ZMAT3: variants seen among roughly 807,000 people sequenced by gnomAD.
ZMAT3 encodes zinc finger matrin-type 3.
ZMAT3 carries 17 observed loss-of-function variants against 32.3 expected under a neutral mutation model. The observed-to-expected ratio is 0.53, with a 90% CI of 0.36 to 0.79. The LOEUF is 0.79. Among genes scored for constraint, ZMAT3 ranks in the 30% least tolerant of loss-of-function variants. ZMAT3 has a pLI of 0.00. For missense variants in ZMAT3, 329 were observed against 359.7 expected (o/e 0.91, Z 0.69); for synonymous variants, 120 against 133.1 (o/e 0.90, Z 0.68).
chr3:179,039,307 A>G (rs1363572861), intron 2 of ZMAT3, among the ~76,000 whole-genome samples: 1 of 152,208 alleles, frequency 6.6e-6, no homozygotes, highest in African/African-American at 2.4e-5. Flanking sequence ...ACGTCCCAGT[A>G]AGGGCCAACA....
chr3:179,030,230 T>C (rs1719102027), intron 3 of ZMAT3, among the ~76,000 whole-genome samples: 1 of 152,174 alleles, frequency 6.6e-6, no homozygotes, highest in African/African-American at 2.4e-5. Context: ...ACACCTAATT[T>C]TGCAACTGGA....
chr3:179,056,510 C>G (rs143412034), intron 2 of ZMAT3, among the ~76,000 whole-genome samples: 1 of 152,138 alleles, frequency 6.6e-6, no homozygotes, highest in African/African-American at 2.4e-5. Flanking sequence ...ATGCCCCTTA[C>G]GTCAAGGGAA....
chr3:179,028,663 G>C (rs1039566619), intron 3 of ZMAT3, among the ~76,000 whole-genome samples: 1 of 152,232 alleles, frequency 6.6e-6, no homozygotes, highest in Non-Finnish European at 1.5e-5. Flanking sequence ...TCAGAAACCA[G>C]TGACAGGAAA....
intron 2 of ZMAT3, among the ~76,000 whole-genome samples, chr3:179,051,320 C>A (rs560666826): frequency 2.0e-5 from 3 of 152,212 alleles, no homozygotes; most frequent in Admixed American, 1.3e-4. Flanking sequence ...ATATACAAAT[C>A]AGTAGCTCTG....
chr3:179,058,514 T>C (rs1177026444), intron 2 of ZMAT3, among the ~76,000 whole-genome samples: 1 of 152,158 alleles, frequency 6.6e-6, no homozygotes, highest in Admixed American at 6.5e-5. Context: ...CCCAGCACTT[T>C]GGGAGGCCGA....
rs538823596 is a variant in ZMAT3 at position 179,029,551 on chromosome 3, C to T, written c.390+1329G>A. Among the ~76,000 whole-genome samples, 4 of 152,268 alleles carry T rather than the reference C, an allele frequency of 2.6e-5. No individual in the cohort carries two copies. The South Asian group carries it at 8.3e-4, about 32-fold the overall frequency. The stretch of plus-strand genomic sequence containing the variant: ...CAATCTTGGCTCACTGCAACCTCCA[C>T]CTCCCGGGTTCAAGTGATTCTTGTG... On this transcript the variant is annotated intron_variant, in intron 3 of 5. Coordinates refer to ENST00000311417, the MANE Select transcript of ZMAT3 (RefSeq NM_022470.4).
chr3:179,039,394 G>T (rs1719789400), intron 2 of ZMAT3, among the ~76,000 whole-genome samples: 1 of 151,712 alleles, frequency 6.6e-6, no homozygotes, highest in Non-Finnish European at 1.5e-5. Context: ...TTGCTGTTCT[G>T]CAATATTTGC....
intron 2 of ZMAT3, among the ~76,000 whole-genome samples, chr3:179,063,174 G>C (rs1721238095): frequency 6.6e-6 from 1 of 152,124 alleles, no homozygotes; most frequent in African/African-American, 2.4e-5. Context: ...AGTGTGTTTT[G>C]GCCATTCTCA....
rs1718726441 is a variant in ZMAT3, at chr3:179,024,225, A to G, written c.*792T>C. ...AAGTTTAGCTGTTTGGAAGTATACA[A>G]GCTCATTGGGAGTATTTGAATTCAA... On this transcript the variant is annotated 3_prime_UTR_variant, in exon 6 of 6. Coordinates refer to ENST00000311417, the MANE Select transcript of ZMAT3 (RefSeq NM_022470.4). 1 of 152,180 alleles carries G rather than the reference A, an allele frequency of 6.6e-6. No individual in the cohort carries two copies. Among genetic ancestry groups the G allele is most frequent in the African/African-American group, 2.4e-5 (1 of 41,434 alleles). The allele number at this position is 152,180 out of a possible 1,614,324, so 9.4% of individuals were successfully genotyped here.
chr3:179,038,515 T>A (rs931932606), intron 2 of ZMAT3, among the ~76,000 whole-genome samples: 7 of 152,120 alleles, frequency 4.6e-5, no homozygotes, highest in Non-Finnish European at 7.4e-5. Flanking sequence ...AAGGTTGAGG[T>A]TGCAGTGAGC....
rs1718390039 is a variant in ZMAT3 at position 179,018,598 on chromosome 3, G to C, written c.*6419C>G. 1 of 150,770 alleles carries C rather than the reference G, an allele frequency of 6.6e-6. No homozygotes were observed. The highest frequency in any genetic ancestry group is 2.5e-5 in the African/African-American group (1 of 40,526). 9.3% of individuals were successfully genotyped at this position (150,770 alleles called of 1,614,324 possible). ...CAATTCTGATTCAATTCTACCCATT[G>C]AATCTTCATGACCTGGAGAAAGTCA... On this transcript the variant is annotated 3_prime_UTR_variant, in exon 6 of 6. Transcript: ENST00000311417.
At chr3:179,043,813 C>A (rs914819722) in intron 2 of ZMAT3, among the ~76,000 whole-genome samples, 1 of 152,114 alleles carries the variant, frequency 6.6e-6, no homozygotes, top group African/African-American at 2.4e-5. Flanking sequence ...AAAATTTTTG[C>A]GATCTCCCCA....
chr3:179,066,178 C>T (rs1004884072), intron 2 of ZMAT3, among the ~76,000 whole-genome samples: 3 of 152,082 alleles, frequency 2.0e-5, no homozygotes, highest in African/African-American at 7.2e-5. Flanking sequence ...CTGTATCAAA[C>T]AACTGTACTG....
intron 2 of ZMAT3, among the ~76,000 whole-genome samples, chr3:179,044,300 T>C (rs532720244): frequency 2.1e-4 from 32 of 152,268 alleles, no homozygotes; most frequent in African/African-American, 7.7e-4. Flanking sequence ...CTATTCACAA[T>C]AGCAAAGACT....
At chr3:179,034,266 TCTC>T (rs1402996540) in intron 2 of ZMAT3, among the ~76,000 whole-genome samples, 1 of 152,136 alleles carries the variant, frequency 6.6e-6, no homozygotes, top group African/African-American at 2.4e-5. Flanking sequence ...AGATCCATCT[TCTC>T]CTCACTTCAA....
chr3:179,037,347 C>T (rs1719653255), intron 2 of ZMAT3, among the ~76,000 whole-genome samples: 1 of 152,218 alleles, frequency 6.6e-6, no homozygotes, highest in Admixed American at 6.5e-5. Flanking sequence ...CCCCTTGGGA[C>T]TCTGCCATTA....
At chr3:179,043,029 C>A (rs909991184) in intron 2 of ZMAT3, among the ~76,000 whole-genome samples, 1 of 152,106 alleles carries the variant, frequency 6.6e-6, no homozygotes, top group Admixed American at 6.6e-5. Flanking sequence ...ATGTGAAGGA[C>A]CTCTTCAAAG....
At chr3:179,049,885 G>A (rs1278701828) in intron 2 of ZMAT3, among the ~76,000 whole-genome samples, 3 of 151,382 alleles carry the variant, frequency 2.0e-5, no homozygotes, top group Admixed American at 6.6e-5. Context: ...TCAGCTACTC[G>A]GGAGGCTGAG....
intron 2 of ZMAT3, among the ~76,000 whole-genome samples, chr3:179,062,492 G>A (rs536470436): frequency 1.6e-4 from 25 of 152,232 alleles, no homozygotes; most frequent in East Asian, 7.7e-4. Context: ...CTATCATTTC[G>A]AAATAAGAAG....
Sources: gnomAD v4.1 joint callset for allele counts (sites outside exome capture counted in the v4.1 genomes callset) on GRCh38, gnomAD v4.1.1 for gene constraint, MANE v1.5 for transcripts, NCBI Gene and HGNC (gene_info 2026-07-23, HGNC 2026-07-21) for gene names.